The following NOS1AP variants were observed in gnomAD, a reference collection of about 807,000 sequenced individuals.
NOS1AP encodes carboxyl-terminal PDZ ligand of neuronal nitric oxide synthase protein.
NOS1AP carries 21 observed loss-of-function variants against 56.2 expected under a neutral mutation model. The observed-to-expected ratio is 0.37, with a 90% CI of 0.26 to 0.54. NOS1AP has a LOEUF of 0.54. NOS1AP is among the 20% of genes least tolerant of loss of function. NOS1AP has a pLI of 0.84. For missense variants in NOS1AP, 522 were observed against 657.8 expected (o/e 0.79, Z 2.26); for synonymous variants, 270 against 274.6 (o/e 0.98, Z 0.17).
chr1:162,085,806 G>C (rs1691988272), intron 1 of NOS1AP, among the ~76,000 whole-genome samples: 2 of 152,164 alleles, frequency 1.3e-5, no homozygotes, highest in Admixed American at 1.3e-4. Flanking sequence ...GGAAAGATAG[G>C]CACATTATAT....
At chr1:162,076,499 A>G (rs954351948) in intron 1 of NOS1AP, among the ~76,000 whole-genome samples, 2 of 152,212 alleles carry the variant, frequency 1.3e-5, no homozygotes, top group Non-Finnish European at 2.9e-5. Flanking sequence ...TGTATAATTT[A>G]GTGATTTTTA....
In NOS1AP at chr1:162,188,244, G is replaced by A. The variant is rs1651505533; in HGVS notation, c.177+33768G>A. Among the ~76,000 whole-genome samples, 1 of 152,160 alleles carries A rather than the reference G, an allele frequency of 6.6e-6. No homozygotes were observed. Among genetic ancestry groups the A allele is most frequent in the Admixed American group, 6.5e-5 (1 of 15,282 alleles). On this transcript the variant is annotated intron_variant, in intron 2 of 9. Coordinates refer to ENST00000361897, the MANE Select transcript of NOS1AP (RefSeq NM_014697.3). The surrounding 1 kb of genome is among the most constrained non-coding windows in gnomAD (Gnocchi z 4.0). The stretch of plus-strand genomic sequence containing the variant: ...AAGATGCTATTTTGTATAAGCAAAT[G>A]GTGCCCTTTGCAATCGTTTTGTAAA...
At chr1:162,158,298 C>T (rs1650053734) in intron 2 of NOS1AP, among the ~76,000 whole-genome samples, 2 of 152,160 alleles carry the variant, frequency 1.3e-5, no homozygotes, top group Non-Finnish European at 2.9e-5. Context: ...CAAGGTTCAT[C>T]CATGTTGCAG....
At chr1:162,343,771 G>C in intron 5 of NOS1AP, 64 bp from the exon 6 acceptor site, 1 of 1,589,318 alleles carries the variant, frequency 6.3e-7, no homozygotes, top group Non-Finnish European at 8.6e-7. Flanking sequence ...TGCTTCATGA[G>C]TTTCTATCCA....
chr1:162,165,129 C>A (rs185404282), intron 2 of NOS1AP, among the ~76,000 whole-genome samples: 137 of 152,234 alleles, frequency 9.0e-4, no homozygotes, highest in Middle Eastern at 3.4e-3. Context: ...CAAGACCAGC[C>A]TGACCAACAT....
intron 1 of NOS1AP, among the ~76,000 whole-genome samples, chr1:162,113,119 A>T (rs984304214): frequency 2.0e-5 from 3 of 152,174 alleles, no homozygotes; most frequent in African/African-American, 7.2e-5. Flanking sequence ...AGTTGACAGG[A>T]TCAGAGATGA....
intron 1 of NOS1AP, among the ~76,000 whole-genome samples, chr1:162,071,116 G>C (rs6660701): frequency 0.43 from 65,964 of 151,856 alleles, 15,144 homozygotes; most frequent in East Asian, 0.68. Context: ...CTGCCCATCA[G>C]CAGGAAAGAG....
At chr1:162,176,208 G>A (rs1056944442) in intron 2 of NOS1AP, among the ~76,000 whole-genome samples, 2 of 151,974 alleles carry the variant, frequency 1.3e-5, no homozygotes, top group Non-Finnish European at 2.9e-5. Context: ...GTTTACTCTT[G>A]TGCTATAAAG....
intron 4 of NOS1AP, among the ~76,000 whole-genome samples, chr1:162,307,096 C>T (rs1188234543): frequency 1.3e-5 from 2 of 151,874 alleles, no homozygotes; most frequent in Non-Finnish European, 2.9e-5. Context: ...TCTTAATCTG[C>T]TTATTCTACT....
intron 3 of NOS1AP, among the ~76,000 whole-genome samples, chr1:162,288,194 C>T (rs1655152052): frequency 1.3e-5 from 2 of 152,170 alleles, no homozygotes; most frequent in Non-Finnish European, 2.9e-5. Flanking sequence ...AAGAGCTTGG[C>T]TGATTGAGTA....
At chr1:162,158,405 T>G (rs1248147291) in intron 2 of NOS1AP, among the ~76,000 whole-genome samples, 2 of 152,192 alleles carry the variant, frequency 1.3e-5, no homozygotes, top group African/African-American at 2.4e-5. Flanking sequence ...TATGAACATT[T>G]TGGTTGCTTC....
intron 2 of NOS1AP, among the ~76,000 whole-genome samples, chr1:162,282,141 G>T (rs1006917734): frequency 6.6e-6 from 1 of 152,114 alleles, no homozygotes; most frequent in Non-Finnish European, 1.5e-5. Context: ...TTAAGTGTAC[G>T]GTTCTGTGGC....
At chr1:162,330,326 C>A (rs1321687162) in intron 4 of NOS1AP, among the ~76,000 whole-genome samples, 2 of 152,186 alleles carry the variant, frequency 1.3e-5, no homozygotes, top group Non-Finnish European at 2.9e-5. Context: ...TGTGCTGGCA[C>A]TGGGGATACC....
chr1:162,336,517 A>G (rs1656944925), intron 5 of NOS1AP, among the ~76,000 whole-genome samples: 1 of 152,212 alleles, frequency 6.6e-6, no homozygotes, highest in South Asian at 2.1e-4. Context: ...GAATGGCCCA[A>G]ATCACTTTAA....
chr1:162,275,091 T>C (rs971582158), intron 2 of NOS1AP, among the ~76,000 whole-genome samples: 8 of 152,234 alleles, frequency 5.3e-5, no homozygotes, highest in Admixed American at 4.6e-4. Context: ...ATCAGTTTTT[T>C]ATTTTTTATG....
chr1:162,282,747 G>A (rs1222065918), intron 2 of NOS1AP, among the ~76,000 whole-genome samples: 1 of 152,160 alleles, frequency 6.6e-6, no homozygotes, highest in Non-Finnish European at 1.5e-5. Context: ...GTGATCATTT[G>A]CAAGAAGCGA....
intron 2 of NOS1AP, among the ~76,000 whole-genome samples, chr1:162,186,763 T>A (rs1651448096): frequency 6.6e-6 from 1 of 152,224 alleles, no homozygotes; most frequent in South Asian, 2.1e-4. Context: ...TGATTTTGGA[T>A]GTTCCAGCCT....
intron 2 of NOS1AP, among the ~76,000 whole-genome samples, chr1:162,226,254 T>C (rs2101663262): frequency 6.6e-6 from 1 of 152,218 alleles, no homozygotes; most frequent in African/African-American, 2.4e-5. Flanking sequence ...GATCCCACCA[T>C]TAGACTCCAG....
chr1:162,125,744 T>C (rs1648462535), intron 1 of NOS1AP, among the ~76,000 whole-genome samples: 1 of 152,220 alleles, frequency 6.6e-6, no homozygotes, highest in African/African-American at 2.4e-5. Context: ...AGGATTGCTT[T>C]GGTTATTTGG....
Sources: gnomAD v4.1 joint callset for allele counts (sites outside exome capture counted in the v4.1 genomes callset) on GRCh38, gnomAD v4.1.1 for gene constraint, Gnocchi (gnomAD v3.1) non-coding constraint, MANE v1.5 for transcripts, NCBI Gene and HGNC (gene_info 2026-07-23, HGNC 2026-07-21) for gene names.